UBA6: variants seen among roughly 807,000 people sequenced by gnomAD.
UBA6 encodes the protein ubiquitin like modifier activating enzyme 6.
In UBA6, 87 loss-of-function variants were observed where a neutral mutation model predicts 148.3. The observed-to-expected ratio is 0.59, with a 90% confidence interval of 0.49 to 0.70. The LOEUF is 0.70. UBA6 is among the 30% of genes least tolerant of loss of function. UBA6 has a pLI of 0.00. For missense variants in UBA6, 1,186 were observed against 1,241.2 expected, an observed-to-expected ratio of 0.96 and a Z score of 0.67; for synonymous variants, 376 against 401.0, an observed-to-expected ratio of 0.94 and a Z score of 0.75.
chr4:67,675,670 G>A (rs1354369960), intron 6 of UBA6, among the ~76,000 whole-genome samples: 1 of 152,052 alleles, frequency 6.6e-6, no homozygotes, highest in Non-Finnish European at 1.5e-5. Flanking sequence ...GGCAGAGGTT[G>A]CAGTGAGCCC....
intron 2 of UBA6, among the ~76,000 whole-genome samples, chr4:67,689,386 A>G (rs193150061): frequency 1.7e-4 from 26 of 152,264 alleles, no homozygotes; most frequent in Admixed American, 1.7e-3. Context: ...TATCAACCTT[A>G]CATATCTCAA....
rs952401410 is a variant in UBA6 at position 67,694,232 on chromosome 4, A to G, written c.134+2413T>C. On this transcript the variant is annotated intron_variant, in intron 2 of 32. Coordinates refer to ENST00000322244, the MANE Select transcript of UBA6 (RefSeq NM_018227.6). ...CTCCATCTCAAAAAAAAAAAAAAAA[A>G]AAAAAAAAAAAAGAAAAAATACAAA... Among the ~76,000 whole-genome samples the G allele has an allele frequency of 2.1e-4, 30 of 142,844 alleles. No homozygotes were observed. In the East Asian group the frequency reaches 5.1e-3, roughly 24 times the overall value. The allele number at this position is 142,844 out of a possible 152,430, so 93.7% of individuals were successfully genotyped here.
Position 67,644,765 on chromosome 4 carries a change from G to T in UBA6, c.1409C>A (p.Ala470Asp). 6.2e-7 allele frequency: 1 copy of T among 1,603,944 alleles called. No individual in the cohort carries two copies. Among genetic ancestry groups the T allele is most frequent in the Non-Finnish European group, 8.5e-7 (1 of 1,171,194 alleles). Reference sequence around the variant, plus strand: ...ATTTTTCAACATTTCACAGCCTATGGCTCCACACCCTACCTATGGAGGAGA... The same window carrying T: ...ATTTTTCAACATTTCACAGCCTATGTCTCCACACCCTACCTATGGAGGAGA... Reference protein sequence around the residue: ...NLNIFLVGCGAIGCEMLKNFA... With the variant: ...NLNIFLVGCGDIGCEMLKNFA... The change falls in exon 17 of 33, where the codon GCC becomes GAC. Residue 470 changes from alanine (A) to aspartate (D), a missense_variant. Ala to Asp is a moderately radical substitution (Grantham distance 126). Coordinates refer to ENST00000322244, the MANE Select transcript of UBA6 (RefSeq NM_018227.6).
chr4:67,639,559 C>T (rs1729253342), intron 18 of UBA6, among the ~76,000 whole-genome samples: 1 of 152,044 alleles, frequency 6.6e-6, no homozygotes, highest in African/African-American at 2.4e-5. Flanking sequence ...TTGGTACTAA[C>T]ATATTTTAAA....
At position 67,696,742 on chromosome 4, in the gene UBA6, T is replaced by C. The variant is rs769952818; in HGVS notation, c.72-35A>G. On this transcript the variant is annotated intron_variant, in intron 1 of 32. Coordinates refer to ENST00000322244, the MANE Select transcript of UBA6 (RefSeq NM_018227.6). Reference sequence around the variant, plus strand: ...AAAACATGGTTATTAAATATTCACATTTTATAATGTAATATTTGATTACTT... The same window carrying C: ...AAAACATGGTTATTAAATATTCACACTTTATAATGTAATATTTGATTACTT... 9 of 1,528,918 alleles carry C rather than the reference T, an allele frequency of 5.9e-6. No individual in the cohort carries two copies. In the South Asian group the frequency reaches 1.0e-4, roughly 18 times the overall value. The allele number at this position is 1,528,918 out of a possible 1,614,324, so 94.7% of individuals were successfully genotyped here.
intron 27 of UBA6, 35 bp from the exon 28 acceptor site, chr4:67,626,512 T>C: frequency 7.6e-7 from 1 of 1,308,194 alleles, no homozygotes; most frequent in Non-Finnish European, 1.1e-6. Flanking sequence ...ATTAATGTTA[T>C]CATTTCCTGC....
intron 21 of UBA6, 44 bp downstream of exon 21, chr4:67,634,385 T>G (rs1470838411): frequency 1.3e-6 from 2 of 1,557,194 alleles, no homozygotes; most frequent in Non-Finnish European, 1.7e-6. Flanking sequence ...AGAAATATCT[T>G]CTTTCTCACT....
rs1730969618 is a variant in UBA6 at position 67,701,058 on chromosome 4, C to T, written c.62G>A (p.Gly21Glu). 6.2e-7 allele frequency: 1 copy of T among 1,613,838 alleles called. No homozygotes were observed. Among genetic ancestry groups the T allele is most frequent in the East Asian group, 2.2e-5 (1 of 44,866 alleles). ...QGEEASCSSW[G>E]TGSTNKNLPI... ...CTTCTCGTCCTCTCACCTGCCAGTC[C>T]CCCAGGAAGAACAGGACGCCTCTTC... Residue 21 changes from glycine to glutamate, a missense_variant, in exon 1 of 33, where the codon GGG (glycine) becomes GAG (glutamate). Coordinates refer to ENST00000322244, the MANE Select transcript of UBA6 (RefSeq NM_018227.6).
Position 67,622,826 on chromosome 4 carries a change from CT to C in UBA6, c.3023+4del. On this transcript the variant is annotated splice_donor_region_variant and intron_variant, in intron 32 of 32. Transcript: ENST00000322244. ...TAATCGCTGCATATAATGTTGAATACTTACGTTAACTTCAATCTTTTTGCAT... is the reference window on the plus strand; with the variant it reads ...TAATCGCTGCATATAATGTTGAATACTACGTTAACTTCAATCTTTTTGCAT... 6.2e-7 allele frequency: 1 copy of C among 1,601,262 alleles called. No individual in the cohort carries two copies. The highest frequency in any genetic ancestry group is 8.5e-7 in the Non-Finnish European group (1 of 1,173,256).
At chr4:67,650,253 C>G (rs1197704793) in intron 13 of UBA6, among the ~76,000 whole-genome samples, 2 of 152,184 alleles carry the variant, frequency 1.3e-5, no homozygotes, top group East Asian at 3.9e-4. Context: ...CAAAATAATC[C>G]TTATAAATAT....
At chr4:67,663,028 A>G (rs1302111212) in intron 12 of UBA6, 111 bp downstream of exon 12, 4 of 641,818 alleles carry the variant, frequency 6.2e-6, no homozygotes, top group African/African-American at 1.9e-5. Flanking sequence ...ACAGCTTGGT[A>G]TATCTATTGG....
At chr4:67,624,376 C>T in intron 29 of UBA6, 123 bp from the exon 30 acceptor site, 1 of 822,342 alleles carries the variant, frequency 1.2e-6, no homozygotes, top group Non-Finnish European at 1.8e-6. Context: ...AGCTATGGGA[C>T]TATAGTAATA....
Position 67,701,109 on chromosome 4 carries a change from G to C in UBA6, c.11C>G (p.Ser4Cys), listed in dbSNP as rs756082302. 1 of 1,613,252 alleles carries C rather than the reference G, an allele frequency of 6.2e-7. No individual in the cohort carries two copies. The highest frequency in any genetic ancestry group is 8.5e-7 in the Non-Finnish European group (1 of 1,179,756). The change falls in exon 1 of 33, where the codon TCC (serine) becomes TGC (cysteine). Residue 4 changes from serine (S) to cysteine (C), a missense_variant. Transcript: ENST00000322244. ...CCCCTGATGGGCGGCCACAGGCTCG[G>C]ATCCTTCCATTGCCGCCTGAGACAC... MEG[S>C]EPVAAHQGEE...
rs547039780 is a variant in UBA6, at chr4:67,672,419, C to A, written c.546+1278G>T. ...CTTAGTAATATGAAAATAAAAAGTT[C>A]GAGTGTGCAGAACCACTGAAAGGGT... On this transcript the variant is annotated intron_variant, in intron 7 of 32. Transcript: ENST00000322244. Among the ~76,000 whole-genome samples the A allele has an allele frequency of 2.6e-5, 4 of 152,188 alleles. No individual in the cohort carries two copies. In the South Asian group the frequency reaches 6.2e-4, roughly 24 times the overall value.
At chr4:67,674,702 T>A (rs995742797) in intron 6 of UBA6, among the ~76,000 whole-genome samples, 6 of 152,126 alleles carry the variant, frequency 3.9e-5, no homozygotes, top group Non-Finnish European at 8.8e-5. Context: ...ACATATTGAA[T>A]CTGATTTGTG....
intron 13 of UBA6, among the ~76,000 whole-genome samples, chr4:67,653,190 C>T (rs188755800): frequency 3.9e-5 from 6 of 152,308 alleles, no homozygotes; most frequent in East Asian, 1.9e-4. Context: ...CATAGCATGG[C>T]GTTCAAGCTC....
rs368963029 is a variant in UBA6, at chr4:67,670,670, CAATTT to C, written c.547-83_547-79del. On this transcript the variant is annotated intron_variant, in intron 7 of 32. Transcript: ENST00000322244. ...TCTAGTATCTTAGGCCATTTCATAA[CAATTT>C]AATTTATAATTAAGTATACCTTACA... 5.9e-4 allele frequency: 662 copies of C among 1,118,496 alleles called. 10 individuals are homozygous for C. In the South Asian group the frequency reaches 8.2e-3, roughly 14 times the overall value. The allele number at this position is 1,118,496 out of a possible 1,614,324, so 69.3% of individuals were successfully genotyped here.
intron 2 of UBA6, among the ~76,000 whole-genome samples, chr4:67,694,987 T>A (rs1730798445): frequency 6.6e-6 from 1 of 152,176 alleles, no homozygotes; most frequent in Non-Finnish European, 1.5e-5. Context: ...ATTCTATAAC[T>A]CTCAGTAAAG....
At chr4:67,664,366 T>C (rs972748792) in intron 10 of UBA6, among the ~76,000 whole-genome samples, 5 of 151,222 alleles carry the variant, frequency 3.3e-5, no homozygotes, top group African/African-American at 7.3e-5. Context: ...TTGAGACATA[T>C]CCAATTAAAA....
Sources: gnomAD v4.1 joint callset for allele counts (sites outside exome capture counted in the v4.1 genomes callset) on GRCh38, gnomAD v4.1.1 for gene constraint, MANE v1.5 for transcripts, NCBI Gene and HGNC (gene_info 2026-07-23, HGNC 2026-07-21) for gene names.